SFXN1: variants seen among roughly 807,000 people sequenced by gnomAD.
SFXN1 encodes sideroflexin 1.
SFXN1 carries 32 observed loss-of-function variants against 39.5 expected under a neutral mutation model. The ratio of observed to expected loss-of-function variants is 0.81; its 90% confidence interval spans 0.61 to 1.09. The LOEUF is 1.09. SFXN1 is among the 50% of genes least tolerant of loss of function. The pLI, the probability that SFXN1 is intolerant of heterozygous loss-of-function variation, is 0.00. For synonymous variants in SFXN1, 136 were observed against 146.5 expected, an observed-to-expected ratio of 0.93 and a Z score of 0.52; for missense variants, 402 against 407.1, an observed-to-expected ratio of 0.99 and a Z score of 0.11.
Position 175,492,078 on chromosome 5 carries a change from T to A in SFXN1, c.-9-17T>A, listed in dbSNP as rs948535546. ...ATTGTAAGCCTTACACGAACTTGCCTTTTTGACTCTTTGCAGTCCGGGACC... is the reference window on the plus strand; with the variant it reads ...ATTGTAAGCCTTACACGAACTTGCCATTTTGACTCTTTGCAGTCCGGGACC... On this transcript the variant is annotated splice_polypyrimidine_tract_variant and intron_variant, in intron 1 of 10. Coordinates refer to ENST00000321442, the MANE Select transcript of SFXN1 (RefSeq NM_022754.7). 6.3e-7 allele frequency: 1 copy of A among 1,591,210 alleles called. No homozygotes were observed. Among genetic ancestry groups the A allele is most frequent in the Admixed American group, 1.8e-5 (1 of 54,388 alleles).
intron 2 of SFXN1, among the ~76,000 whole-genome samples, chr5:175,497,373 C>G (rs1055012802): frequency 6.6e-6 from 1 of 152,092 alleles, no homozygotes; most frequent in African/African-American, 2.4e-5. Context: ...ATATATAGTT[C>G]TAGTGGGATA....
chr5:175,500,844 G>C (rs993335493), intron 2 of SFXN1, among the ~76,000 whole-genome samples: 2 of 152,140 alleles, frequency 1.3e-5, no homozygotes, highest in African/African-American at 4.8e-5. Flanking sequence ...CTGATTTTAT[G>C]TAAAGGAGCC....
chr5:175,483,138 A>G (rs1759318993), intron 1 of SFXN1, among the ~76,000 whole-genome samples: 1 of 152,232 alleles, frequency 6.6e-6, no homozygotes. Flanking sequence ...TAATTTCTCT[A>G]TGAAATTATT....
intron 4 of SFXN1, among the ~76,000 whole-genome samples, chr5:175,510,528 C>T (rs898458712): frequency 1.3e-5 from 2 of 152,102 alleles, no homozygotes; most frequent in Non-Finnish European, 2.9e-5. Context: ...CCGGCCTGGC[C>T]TCTGATAAGT....
At chr5:175,521,463 G>A (rs566441551) in intron 8 of SFXN1, among the ~76,000 whole-genome samples, 1 of 152,308 alleles carries the variant, frequency 6.6e-6, no homozygotes, top group African/African-American at 2.4e-5. Context: ...TTAGGAAGCT[G>A]TTAGTGATGT....
intron 2 of SFXN1, among the ~76,000 whole-genome samples, chr5:175,506,599 T>C (rs1292473325): frequency 6.6e-6 from 1 of 152,186 alleles, no homozygotes; most frequent in East Asian, 1.9e-4. Flanking sequence ...CACTAGGAGA[T>C]TGGTATATAT....
Position 175,512,160 on chromosome 5 carries a change from C to T in SFXN1, c.560C>T (p.Ala187Val), listed in dbSNP as rs776581651. The change falls in exon 6 of 11, where the codon GCT (alanine) becomes GTT (valine). Residue 187 changes from alanine to valine, a missense_variant. Transcript: ENST00000321442. ...TTTGTTCCCTTTGCTGCCGTAGCTG[C>T]TGCTAATTGCATTAATATTCCATTA... The part of the protein sequence containing the change: ...GRFVPFAAVA[A>V]ANCINIPLMR... The T allele has an allele frequency of 3.7e-6, 6 of 1,614,192 alleles. No individual in the cohort carries two copies. The highest frequency in any genetic ancestry group is 3.3e-5 in the Admixed American group (2 of 60,022).
intron 1 of SFXN1, among the ~76,000 whole-genome samples, chr5:175,486,423 A>G (rs1372794200): frequency 6.6e-6 from 1 of 152,214 alleles, no homozygotes; most frequent in Non-Finnish European, 1.5e-5. Context: ...ATCATTTTTC[A>G]GACTATCCAG....
At chr5:175,518,571 G>A (rs1029131188) in intron 8 of SFXN1, among the ~76,000 whole-genome samples, 2 of 152,168 alleles carry the variant, frequency 1.3e-5, no homozygotes, top group Non-Finnish European at 2.9e-5. Flanking sequence ...CGCATAGGAG[G>A]TATCTTACCC....
At chr5:175,515,228 T>G (rs1197116253) in intron 7 of SFXN1, among the ~76,000 whole-genome samples, 1 of 152,114 alleles carries the variant, frequency 6.6e-6, no homozygotes, top group Non-Finnish European at 1.5e-5. Flanking sequence ...TGTTGCCCAA[T>G]TAGTCTAGAA....
chr5:175,495,281 G>A (rs1432389660), intron 2 of SFXN1, among the ~76,000 whole-genome samples: 1 of 152,068 alleles, frequency 6.6e-6, no homozygotes, highest in African/African-American at 2.4e-5. Context: ...TAGAGGGGAA[G>A]TTGCCAGGGG....
intron 9 of SFXN1, 69 bp downstream of exon 9, chr5:175,522,037 C>A: frequency 1.5e-6 from 2 of 1,326,306 alleles, no homozygotes; most frequent in Non-Finnish European, 2.1e-6. Flanking sequence ...TGAAAGGTGA[C>A]TGGGTAATAT....
At chr5:175,484,654 A>G (rs953075863) in intron 1 of SFXN1, among the ~76,000 whole-genome samples, 8 of 152,076 alleles carry the variant, frequency 5.3e-5, no homozygotes, top group African/African-American at 1.9e-4. Flanking sequence ...GAGCCAGCAC[A>G]GGGCGCGTCT....
chr5:175,499,273 A>T (rs12656312), intron 2 of SFXN1, among the ~76,000 whole-genome samples: 16 of 151,428 alleles, frequency 1.1e-4, no homozygotes, highest in Non-Finnish European at 2.1e-4. Context: ...AAAAAAAGGG[A>T]TATCAAACCA....
chr5:175,487,425 A>G (rs1183825608), intron 1 of SFXN1, among the ~76,000 whole-genome samples: 11 of 152,084 alleles, frequency 7.2e-5, no homozygotes, highest in African/African-American at 2.2e-4. Flanking sequence ...CCGCTTCACT[A>G]TCCAGAAATG....
At position 175,510,200 on chromosome 5, in the gene SFXN1, A is replaced by G. The variant is rs200875508; in HGVS notation, c.427A>G (p.Thr143Ala). 1.9e-6 allele frequency: 3 copies of G among 1,610,470 alleles called. No homozygotes were observed. The highest frequency in any genetic ancestry group is 1.3e-5 in the African/African-American group (1 of 74,932). Residue 143 changes from threonine (T) to alanine (A), a missense_variant, in exon 4 of 11, where the codon ACT becomes GCT. Physicochemically the swap from Thr to Ala is moderately conservative, Grantham distance 58 (BLOSUM62 0). Coordinates refer to ENST00000321442, the MANE Select transcript of SFXN1 (RefSeq NM_022754.7). ...CAACAGAAGTGGAGACGCACCCCTC[A>G]CTGTCAAGTAAGGCTACGAGAATTG... ...YTNRSGDAPL[T>A]VNELGTAYVS...
chr5:175,484,496 C>T (rs34113644), intron 1 of SFXN1, among the ~76,000 whole-genome samples: 13,097 of 152,294 alleles, frequency 0.086, 1,028 homozygotes, highest in African/African-American at 0.21. Flanking sequence ...AGCAGGTGCA[C>T]GCCGGAATGC....
At position 175,526,803 on chromosome 5, in the gene SFXN1, A is replaced by T; in HGVS notation, c.*69A>T. 1 of 1,329,464 alleles carries T rather than the reference A, an allele frequency of 7.5e-7. No homozygotes were observed. 82.4% of individuals were successfully genotyped at this position (1,329,464 alleles called of 1,614,324 possible). A position where few individuals can be genotyped will look rare whatever the true frequency, so the allele number is the denominator to read the frequency against. ...TGGTGTAGCCATGCTGGTGAGAAAA[A>T]TCCTGTTCAACCTGGGTTCTCCCAG... On this transcript the variant is annotated 3_prime_UTR_variant, in exon 11 of 11. Transcript: ENST00000321442.
chr5:175,482,992 G>A (rs1759312859), intron 1 of SFXN1, among the ~76,000 whole-genome samples: 3 of 152,180 alleles, frequency 2.0e-5, no homozygotes, highest in African/African-American at 7.2e-5. Context: ...GAGGCCTTCA[G>A]TGGATATGGA....
Sources: allele counts gnomAD v4.1 joint callset (sites outside exome capture counted in the v4.1 genomes callset), GRCh38; gene constraint gnomAD v4.1.1; transcripts MANE v1.5; gene names NCBI Gene and HGNC (gene_info 2026-07-23, HGNC 2026-07-21).